CSMD3: variants seen among roughly 807,000 people sequenced by gnomAD.
CSMD3 encodes CUB and sushi domain-containing protein 3.
A neutral mutation model predicts 435.2 loss-of-function variants in CSMD3; 177 were observed. The ratio of observed to expected loss-of-function variants is 0.41; its 90% CI spans 0.36 to 0.46. CSMD3 has a LOEUF of 0.46. Among genes scored for constraint, CSMD3 ranks in the 20% least tolerant of loss-of-function variants. CSMD3 has a pLI of 0.34. For missense variants in CSMD3, 4,265 were observed against 4,504.6 expected (o/e 0.95, Z 1.52); for synonymous variants, 1,656 against 1,520.5 (o/e 1.09, Z -2.07).
intron 53 of CSMD3, among the ~76,000 whole-genome samples, chr8:112,299,282 T>C (rs1243910322): frequency 2.6e-5 from 4 of 152,188 alleles, no homozygotes; most frequent in Middle Eastern, 6.8e-3. Flanking sequence ...AGTGGTTTAG[T>C]TACACTGATG....
chr8:112,925,545 G>A (rs1228184604), intron 9 of CSMD3, among the ~76,000 whole-genome samples: 2 of 144,192 alleles, frequency 1.4e-5, no homozygotes, highest in East Asian at 2.1e-4. Context: ...AGAGGGAGAC[G>A]CCATCTCAAA....
At chr8:112,700,165 T>C (rs538374077) in intron 13 of CSMD3, among the ~76,000 whole-genome samples, 2 of 152,254 alleles carry the variant, frequency 1.3e-5, no homozygotes, top group South Asian at 2.1e-4. Flanking sequence ...CATTCCGTAG[T>C]AGTTTTAAAA....
At chr8:112,353,630 C>T (rs749477745) in intron 38 of CSMD3, among the ~76,000 whole-genome samples, 1 of 151,988 alleles carries the variant, frequency 6.6e-6, no homozygotes, top group Non-Finnish European at 1.5e-5. Context: ...CTTGCAAACA[C>T]ACAACCTCCC....
intron 9 of CSMD3, among the ~76,000 whole-genome samples, chr8:112,930,902 C>T (rs1179550991): frequency 6.6e-6 from 1 of 151,890 alleles, no homozygotes; most frequent in Non-Finnish European, 1.5e-5. Context: ...GAGGTGCTGA[C>T]AAGGAATAAT....
intron 19 of CSMD3, among the ~76,000 whole-genome samples, chr8:112,646,659 A>T (rs1475251077): frequency 6.6e-6 from 1 of 152,190 alleles, no homozygotes; most frequent in East Asian, 1.9e-4. Flanking sequence ...CTAATATAAC[A>T]AACATTCGTA....
At position 112,292,685 on chromosome 8, in the gene CSMD3, A is replaced by G. The variant is rs572340963; in HGVS notation, c.8640T>C (p.Ser2880=). ...CVPVSCGHPG[S]PIYGRTSGNG... ...TTCCACTTGTTCTTCCATAAATTGG[A>G]CTACCAGGGTGACCACAGCTAACAG... The change falls in exon 55 of 71, where the codon AGT becomes AGC. Residue 2880 remains serine, a synonymous_variant. Transcript: ENST00000297405. 4 of 1,613,842 alleles carry G rather than the reference A, an allele frequency of 2.5e-6. No homozygotes were observed. The highest frequency in any genetic ancestry group is 1.7e-5 in the Admixed American group (1 of 59,990).
At chr8:112,513,994 ATATAG>A (rs1823414290) in intron 28 of CSMD3, among the ~76,000 whole-genome samples, 1 of 152,162 alleles carries the variant, frequency 6.6e-6, no homozygotes, top group Non-Finnish European at 1.5e-5. Flanking sequence ...AATTTATTAC[ATATAG>A]TAAAGTATCT....
intron 5 of CSMD3, among the ~76,000 whole-genome samples, chr8:113,060,405 C>T (rs2356048): frequency 0.67 from 100,950 of 150,150 alleles, 35,494 homozygotes; most frequent in East Asian, 0.95. Context: ...TGTTGGACAT[C>T]TGGGTTGGTT....
intron 32 of CSMD3, among the ~76,000 whole-genome samples, chr8:112,445,906 TCA>T (rs1477056251): frequency 6.6e-6 from 1 of 152,188 alleles, no homozygotes; most frequent in Non-Finnish European, 1.5e-5. Context: ...AAATTTTAAA[TCA>T]CAGAGAAGGA....
At chr8:112,767,704 T>C (rs2078013878) in intron 13 of CSMD3, among the ~76,000 whole-genome samples, 1 of 151,860 alleles carries the variant, frequency 6.6e-6, no homozygotes, top group Non-Finnish European at 1.5e-5. Context: ...CTTGAAGATG[T>C]CCAACTCTTC....
At chr8:113,244,252 G>A (rs1482319883) in intron 3 of CSMD3, among the ~76,000 whole-genome samples, 4 of 152,100 alleles carry the variant, frequency 2.6e-5, no homozygotes, top group African/African-American at 9.7e-5. Context: ...GGATATATAT[G>A]ACCTTTTCAT....
At chr8:113,027,993 G>A (rs1008330776) in intron 5 of CSMD3, among the ~76,000 whole-genome samples, 3 of 151,610 alleles carry the variant, frequency 2.0e-5, no homozygotes, top group Non-Finnish European at 2.9e-5. Context: ...CTCTTTTTTT[G>A]CATTTTTGTT....
intron 40 of CSMD3, 145 bp downstream of exon 40, chr8:112,351,030 G>A (rs2131052384): frequency 2.1e-6 from 1 of 466,818 alleles, no homozygotes; most frequent in Non-Finnish European, 3.8e-6. Context: ...ATTTCCATAA[G>A]ATCTGGTAAA....
chr8:112,379,424 A>G (rs1829263558), intron 38 of CSMD3, among the ~76,000 whole-genome samples: 1 of 152,254 alleles, frequency 6.6e-6, no homozygotes, highest in East Asian at 1.9e-4. Context: ...AGCCAAGATC[A>G]TGCCATTCCA....
At chr8:113,210,825 A>C (rs958940821) in intron 3 of CSMD3, among the ~76,000 whole-genome samples, 3 of 151,978 alleles carry the variant, frequency 2.0e-5, no homozygotes, top group African/African-American at 7.3e-5. Context: ...GGCTGCAGTA[A>C]GCCAAGAGCA....
At chr8:112,283,140 T>C (rs935456345) in intron 58 of CSMD3, among the ~76,000 whole-genome samples, 6 of 152,032 alleles carry the variant, frequency 3.9e-5, no homozygotes, top group Non-Finnish European at 5.9e-5. Flanking sequence ...AGCTAGTTAA[T>C]AGCAGATTGT....
chr8:112,962,620 T>C (rs1389773191), intron 7 of CSMD3, among the ~76,000 whole-genome samples: 1 of 151,976 alleles, frequency 6.6e-6, no homozygotes, highest in Non-Finnish European at 1.5e-5. Context: ...TTCAGGTCAT[T>C]ATATTTTACT....
intron 17 of CSMD3, among the ~76,000 whole-genome samples, chr8:112,664,970 A>G (rs1411178437): frequency 6.6e-6 from 1 of 152,158 alleles, no homozygotes; most frequent in Non-Finnish European, 1.5e-5. Context: ...TAAACCATGT[A>G]GATTATAACA....
chr8:112,685,814 G>T, intron 14 of CSMD3, 82 bp from the exon 15 acceptor site: 1 of 882,710 alleles, frequency 1.1e-6, no homozygotes, highest in Non-Finnish European at 1.8e-6. Flanking sequence ...CTACAATTAT[G>T]ATAATCAATT....
Sources: gnomAD v4.1 joint callset for allele counts (sites outside exome capture counted in the v4.1 genomes callset) on GRCh38, gnomAD v4.1.1 for gene constraint, MANE v1.5 for transcripts, NCBI Gene and HGNC (gene_info 2026-07-23, HGNC 2026-07-21) for gene names.